FGF12: variants seen among roughly 807,000 people sequenced by gnomAD.
The protein encoded by FGF12 is fibroblast growth factor 12B.
Under a neutral mutation model 23.6 loss-of-function variants are expected in FGF12, and 14 were observed. The ratio of observed to expected loss-of-function variants is 0.59; its 90% CI spans 0.39 to 0.93. The LOEUF is 0.93. Among genes scored for constraint, FGF12 ranks in the 40% least tolerant of loss-of-function variants. FGF12 has a pLI of 0.00. For synonymous variants in FGF12, 62 were observed against 77.3 expected, an observed-to-expected ratio of 0.80 and a Z score of 1.04; for missense variants, 175 against 217.8, an observed-to-expected ratio of 0.80 and a Z score of 1.24.
chr3:192,682,591 C>T (rs1248904420), intron 2 of FGF12, among the ~76,000 whole-genome samples: 3 of 152,162 alleles, frequency 2.0e-5, no homozygotes, highest in Non-Finnish European at 4.4e-5. Flanking sequence ...CTGAGAATTA[C>T]AGTGTTATAC....
In FGF12 at chr3:192,578,540, T is replaced by C. The variant is rs376534202; in HGVS notation, c.13+148641A>G. Among the ~76,000 whole-genome samples, 22 of 152,364 alleles carry C rather than the reference T, an allele frequency of 1.4e-4. No homozygotes were observed. In the East Asian group the frequency reaches 3.7e-3, roughly 25 times the overall value. ...TCCTTAATTTCATGGCAGTTTTGCC[T>C]CTCAGATTAGATTTGTAAGTAGGAA... On this transcript the variant is annotated intron_variant, in intron 2 of 5. Coordinates refer to ENST00000445105, the MANE Select transcript of FGF12 (RefSeq NM_004113.6).
intron 4 of FGF12, among the ~76,000 whole-genome samples, chr3:192,296,572 G>GA (rs1404765611): frequency 6.6e-6 from 1 of 152,002 alleles, no homozygotes; most frequent in Admixed American, 6.5e-5. Context: ...GATTTAATAA[G>GA]AAAATACAAC....
chr3:192,540,931 C>G (rs1381711933), intron 2 of FGF12, among the ~76,000 whole-genome samples: 1 of 151,696 alleles, frequency 6.6e-6, no homozygotes, highest in Non-Finnish European at 1.5e-5. Flanking sequence ...TTGAAATCTA[C>G]TTTGTCTGAT....
chr3:192,382,696 T>C (rs1367494787), intron 2 of FGF12, among the ~76,000 whole-genome samples: 1 of 152,224 alleles, frequency 6.6e-6, no homozygotes, highest in East Asian at 1.9e-4. Flanking sequence ...ACAGTCATAA[T>C]TCATAATTAT....
chr3:192,677,723 A>G (rs1484920955), intron 2 of FGF12, among the ~76,000 whole-genome samples: 1 of 152,202 alleles, frequency 6.6e-6, no homozygotes, highest in African/African-American at 2.4e-5. Flanking sequence ...TGCCCCACCC[A>G]GAGACATATG....
At chr3:192,634,540 G>A (rs1715510361) in intron 2 of FGF12, among the ~76,000 whole-genome samples, 1 of 152,070 alleles carries the variant, frequency 6.6e-6, no homozygotes, top group South Asian at 2.1e-4. Flanking sequence ...GATACTGAGG[G>A]ATGACTATAT....
At chr3:192,328,492 AGAC>A (rs1716941073) in intron 4 of FGF12, among the ~76,000 whole-genome samples, 2 of 152,198 alleles carry the variant, frequency 1.3e-5, no homozygotes, top group South Asian at 4.1e-4. Flanking sequence ...CTCAACAGGA[AGAC>A]GACAATAGAA....
chr3:192,381,399 C>A (rs1719806474), intron 2 of FGF12, among the ~76,000 whole-genome samples: 1 of 152,212 alleles, frequency 6.6e-6, no homozygotes, highest in Non-Finnish European at 1.5e-5. Flanking sequence ...TAACCTTGAT[C>A]TTTCCTTCCA....
intron 2 of FGF12, among the ~76,000 whole-genome samples, chr3:192,382,577 A>G (rs1057451783): frequency 6.6e-6 from 1 of 152,180 alleles, no homozygotes; most frequent in African/African-American, 2.4e-5. Flanking sequence ...TCAGTCACAC[A>G]AAACAGCTGG....
chr3:192,569,606 G>C (rs1712500502), intron 2 of FGF12, among the ~76,000 whole-genome samples: 1 of 152,184 alleles, frequency 6.6e-6, no homozygotes, highest in South Asian at 2.1e-4. Context: ...GCAGGTATTG[G>C]GGAACTGAAG....
At chr3:192,198,524 G>C (rs190076994) in intron 4 of FGF12, among the ~76,000 whole-genome samples, 1 of 152,234 alleles carries the variant, frequency 6.6e-6, no homozygotes, top group Admixed American at 6.5e-5. Context: ...CATGAAAAAA[G>C]GGTGAGAGAA....
chr3:192,367,000 C>T lies in FGF12; in HGVS notation c.14-6462G>A, dbSNP rs116491517. 8.2e-3 allele frequency among the ~76,000 whole-genome samples: 1,253 copies of T among 152,080 alleles called. 13 individuals are homozygous for T. The highest frequency in any genetic ancestry group is 0.029 in the African/African-American group (1,210 of 41,458). On this transcript the variant is annotated intron_variant, in intron 2 of 5. Transcript: ENST00000445105. ...CCTAAGGAAAGAGTGAGTTTTCTAT[C>T]ACTGGACATAACCAGAAAGAAGCAG...
chr3:192,657,000 C>T (rs1716452856), intron 2 of FGF12, among the ~76,000 whole-genome samples: 1 of 152,066 alleles, frequency 6.6e-6, no homozygotes, highest in South Asian at 2.1e-4. Context: ...GGTCACAGCA[C>T]TTATAAACAA....
intron 2 of FGF12, among the ~76,000 whole-genome samples, chr3:192,482,238 C>G (rs1189039595): frequency 1.3e-5 from 2 of 152,086 alleles, no homozygotes; most frequent in Non-Finnish European, 2.9e-5. Flanking sequence ...AAAATATAAA[C>G]ATATTCATAT....
At chr3:192,210,865 G>A (rs972531138) in intron 4 of FGF12, among the ~76,000 whole-genome samples, 1 of 152,156 alleles carries the variant, frequency 6.6e-6, no homozygotes, top group African/African-American at 2.4e-5. Flanking sequence ...AATTCATCAA[G>A]GTAGATGAGA....
intron 4 of FGF12, among the ~76,000 whole-genome samples, chr3:192,275,464 T>A (rs975955449): frequency 6.6e-6 from 1 of 152,204 alleles, no homozygotes; most frequent in African/African-American, 2.4e-5. Context: ...TTTTATAGAA[T>A]GCAAAATTGC....
At chr3:192,257,353 C>T (rs1466132380) in intron 4 of FGF12, among the ~76,000 whole-genome samples, 1 of 152,088 alleles carries the variant, frequency 6.6e-6, no homozygotes, top group Non-Finnish European at 1.5e-5. Context: ...CAAAATATAG[C>T]CTGTCCATCA....
intron 2 of FGF12, among the ~76,000 whole-genome samples, chr3:192,620,656 T>C (rs1001889834): frequency 6.6e-6 from 1 of 152,158 alleles, no homozygotes; most frequent in Non-Finnish European, 1.5e-5. Context: ...TTCACTAGAC[T>C]CACTCTTATT....
At chr3:192,235,194 T>G (rs1399146992) in intron 4 of FGF12, among the ~76,000 whole-genome samples, 4 of 152,178 alleles carry the variant, frequency 2.6e-5, no homozygotes, top group Non-Finnish European at 5.9e-5. Flanking sequence ...GTTTGTATGT[T>G]GTTTATTACT....
Sources: gnomAD v4.1 joint callset for allele counts (sites outside exome capture counted in the v4.1 genomes callset) on GRCh38, gnomAD v4.1.1 for gene constraint, MANE v1.5 for transcripts, NCBI Gene and HGNC (gene_info 2026-07-23, HGNC 2026-07-21) for gene names.